The following HSDL2 variants were observed in gnomAD, a reference collection of about 807,000 sequenced individuals.
HSDL2 encodes the protein hydroxysteroid dehydrogenase-like protein 2.
Under a neutral mutation model 46.3 loss-of-function variants are expected in HSDL2, and 27 were observed. The ratio of observed to expected loss-of-function variants is 0.58; its 90% CI spans 0.43 to 0.80. The LOEUF is 0.80. HSDL2 is among the 30% of genes least tolerant of loss of function. The probability of loss-of-function intolerance (pLI) is 0.00; values close to 1 mark genes in which losing one functional copy is unlikely to be tolerated. For synonymous variants in HSDL2, 153 were observed against 163.6 expected (o/e 0.94, Z 0.50); for missense variants, 451 against 502.7 (o/e 0.90, Z 0.98).
chr9:112,456,226 C>A (rs1456294125), intron 9 of HSDL2, among the ~76,000 whole-genome samples: 1 of 152,196 alleles, frequency 6.6e-6, no homozygotes, highest in Admixed American at 6.5e-5. Context: ...ACAAACCACA[C>A]AGCCCATCTT....
At chr9:112,425,362 T>G (rs1288788582) in intron 6 of HSDL2, among the ~76,000 whole-genome samples, 1 of 152,210 alleles carries the variant, frequency 6.6e-6, no homozygotes, top group Non-Finnish European at 1.5e-5. Context: ...GAAATATTAC[T>G]TTTTAGTCAT....
intron 10 of HSDL2, among the ~76,000 whole-genome samples, chr9:112,464,225 GACACACACACAC>G (rs756529908): frequency 4.1e-4 from 2 of 4,828 alleles, no homozygotes; most frequent in Non-Finnish European, 1.0e-3. Context: ...CACACACACA[GACACACACACAC>G]ACACACACAC....
chr9:112,416,780 A>T, intron 4 of HSDL2, 61 bp from the exon 5 acceptor site: 2 of 840,548 alleles, frequency 2.4e-6, no homozygotes, highest in South Asian at 3.0e-5. Context: ...CTCTTAAAAA[A>T]AAAAGTGGAG....
At chr9:112,389,268 C>T (rs774745214) in intron 1 of HSDL2, among the ~76,000 whole-genome samples, 6 of 152,144 alleles carry the variant, frequency 3.9e-5, no homozygotes, top group Non-Finnish European at 5.9e-5. Flanking sequence ...AAGTGATCCC[C>T]GTCTTGGTCT....
chr9:112,390,065 A>AAATAAATAAAT (rs60257310), intron 1 of HSDL2, among the ~76,000 whole-genome samples: 3 of 143,220 alleles, frequency 2.1e-5, no homozygotes, highest in African/African-American at 5.2e-5. Flanking sequence ...ACTCTGTCTC[A>AAATAAATAAAT]AAATAAATAA....
At chr9:112,442,208 TCAGTGAGCCGTGATCGTGCCACTG>T (rs1428050994) in intron 8 of HSDL2, among the ~76,000 whole-genome samples, 2 of 147,428 alleles carry the variant, frequency 1.4e-5, no homozygotes, top group Non-Finnish European at 3.0e-5. Context: ...AGTTGAAGTT[TCAGTGAGCCGTGATCGTGCCACTG>T]CACTCTAGCC....
chr9:112,457,215 C>T (rs191478869), intron 9 of HSDL2, among the ~76,000 whole-genome samples: 15 of 152,116 alleles, frequency 9.9e-5, no homozygotes, highest in East Asian at 5.8e-4. Flanking sequence ...AAGTGGATGC[C>T]GTATCTGTCA....
intron 1 of HSDL2, among the ~76,000 whole-genome samples, chr9:112,397,174 T>C (rs916834417): frequency 2.0e-5 from 3 of 152,182 alleles, no homozygotes; most frequent in African/African-American, 7.2e-5. Context: ...ACCACAGTTA[T>C]AGCAGGCTCC....
intron 1 of HSDL2, among the ~76,000 whole-genome samples, chr9:112,388,970 T>G (rs1831278893): frequency 6.6e-6 from 1 of 151,976 alleles, no homozygotes; most frequent in African/African-American, 2.4e-5. Context: ...ATTGACAAAA[T>G]TAAAATACTG....
intron 6 of HSDL2, among the ~76,000 whole-genome samples, chr9:112,431,234 G>T (rs766281116): frequency 9.9e-5 from 15 of 152,044 alleles, no homozygotes; most frequent in Non-Finnish European, 2.2e-4. Context: ...TAGGCAGCAG[G>T]CCTGGTGAAT....
chr9:112,402,820 C>T (rs1263375873), intron 1 of HSDL2, among the ~76,000 whole-genome samples: 1 of 152,070 alleles, frequency 6.6e-6, no homozygotes, highest in Non-Finnish European at 1.5e-5. Flanking sequence ...ACTTGGGAGG[C>T]TGAAGCAGGA....
At chr9:112,381,922 TGG>T (rs1411502139) in intron 1 of HSDL2, among the ~76,000 whole-genome samples, 1 of 152,134 alleles carries the variant, frequency 6.6e-6, no homozygotes, top group African/African-American at 2.4e-5. Flanking sequence ...GATAAACTCC[TGG>T]AAGTGAAATT....
chr9:112,413,309 T>C (rs545158090), intron 4 of HSDL2, among the ~76,000 whole-genome samples: 124 of 151,640 alleles, frequency 8.2e-4, no homozygotes, highest in African/African-American at 2.8e-3. Context: ...AGAAACCCCG[T>C]CTCTACTAAA....
In HSDL2 at chr9:112,428,341, AC is replaced by A. The variant is rs370170201; in HGVS notation, c.598+9385del. ...CCCTGGTCCTCACTGTGGGACCAAAACCATGTTTTATTGCTTCTTTGTTTCC... is the reference window on the plus strand; with the variant it reads ...CCCTGGTCCTCACTGTGGGACCAAAACATGTTTTATTGCTTCTTTGTTTCC... On this transcript the variant is annotated intron_variant, in intron 6 of 10. Coordinates refer to ENST00000398805, the MANE Select transcript of HSDL2 (RefSeq NM_032303.5). Among the ~76,000 whole-genome samples, 541 of 152,312 alleles carry A rather than the reference AC, an allele frequency of 3.6e-3. 6 individuals are homozygous for A. Among genetic ancestry groups the A allele is most frequent in the Middle Eastern group, 0.014 (4 of 294 alleles).
intron 4 of HSDL2, among the ~76,000 whole-genome samples, chr9:112,411,491 A>C (rs935370407): frequency 2.0e-5 from 3 of 152,210 alleles, no homozygotes; most frequent in Non-Finnish European, 4.4e-5. Flanking sequence ...CCAGGCCAAC[A>C]TGGTGAAACC....
intron 8 of HSDL2, among the ~76,000 whole-genome samples, chr9:112,450,365 C>T (rs1832856102): frequency 6.6e-6 from 1 of 151,946 alleles, no homozygotes; most frequent in Non-Finnish European, 1.5e-5. Flanking sequence ...TGCCGTGGCT[C>T]ATGCCTGTAA....
intron 6 of HSDL2, among the ~76,000 whole-genome samples, chr9:112,436,951 TC>T (rs1832537915): frequency 1.7e-5 from 2 of 120,412 alleles, no homozygotes; most frequent in Admixed American, 8.3e-5. Context: ...CTCTTTCTTT[TC>T]TTTTTTTCTT....
chr9:112,436,937 A>C (rs1587954398), intron 6 of HSDL2, among the ~76,000 whole-genome samples: 1 of 147,218 alleles, frequency 6.8e-6, no homozygotes, highest in Non-Finnish European at 1.5e-5. Flanking sequence ...TTTTCCTTTT[A>C]CTTCTCTTTC....
At chr9:112,449,918 T>A (rs923950383) in intron 8 of HSDL2, among the ~76,000 whole-genome samples, 4 of 152,162 alleles carry the variant, frequency 2.6e-5, no homozygotes, top group African/African-American at 9.7e-5. Flanking sequence ...TCCTTACTTT[T>A]TTTACTTTTG....
Sources: gnomAD v4.1 joint callset for allele counts (sites outside exome capture counted in the v4.1 genomes callset) on GRCh38, gnomAD v4.1.1 for gene constraint, MANE v1.5 for transcripts, NCBI Gene and HGNC (gene_info 2026-07-23, HGNC 2026-07-21) for gene names.